The following SRC variants were observed in gnomAD, a reference collection of about 807,000 sequenced individuals.
The protein encoded by SRC is proto-oncogene tyrosine-protein kinase Src.
Under a neutral mutation model 62.9 loss-of-function variants are expected in SRC, and 13 were observed. The ratio of observed to expected loss-of-function variants is 0.21; its 90% CI spans 0.13 to 0.33. The LOEUF (loss-of-function observed/expected upper bound fraction) is 0.33. SRC is among the 10% of genes least tolerant of loss of function. The probability of loss-of-function intolerance (pLI) is 1.00; values close to 1 mark genes in which losing one functional copy is unlikely to be tolerated. For synonymous variants in SRC, 302 were observed against 317.5 expected, an observed-to-expected ratio of 0.95 and a Z score of 0.52; for missense variants, 457 against 737.3, an observed-to-expected ratio of 0.62 and a Z score of 4.40.
intron 1 of SRC, among the ~76,000 whole-genome samples, chr20:37,360,737 T>C (rs2069956990): frequency 6.6e-6 from 1 of 152,220 alleles, no homozygotes; most frequent in Admixed American, 6.5e-5. Context: ...TAGCTGCTCC[T>C]ACTCTTTTGA....
chr20:37,357,054 C>A (rs919214790), intron 1 of SRC, among the ~76,000 whole-genome samples: 1 of 152,206 alleles, frequency 6.6e-6, no homozygotes, highest in Non-Finnish European at 1.5e-5. Flanking sequence ...GTTGCCCCAG[C>A]CGGCTCGGGG....
At chr20:37,382,203 ACAATAT>A (rs1198430131) in intron 2 of SRC, among the ~76,000 whole-genome samples, 1 of 147,828 alleles carries the variant, frequency 6.8e-6, no homozygotes, top group Non-Finnish European at 1.5e-5. Flanking sequence ...CCAGAATTAC[ACAATAT>A]CAATAACGGC....
chr20:37,368,042 T>C (rs931238695), intron 2 of SRC, among the ~76,000 whole-genome samples: 2 of 152,242 alleles, frequency 1.3e-5, no homozygotes, highest in Non-Finnish European at 2.9e-5. Context: ...ATGTTGTTCT[T>C]TGGAAAACAG....
chr20:37,380,538 C>T (rs2070350542), intron 2 of SRC, among the ~76,000 whole-genome samples: 1 of 152,178 alleles, frequency 6.6e-6, no homozygotes, highest in Non-Finnish European at 1.5e-5. Flanking sequence ...TTGAATACCA[C>T]GGAATGATAT....
intron 2 of SRC, among the ~76,000 whole-genome samples, chr20:37,380,307 C>T (rs1246341403): frequency 1.3e-5 from 2 of 152,122 alleles, no homozygotes; most frequent in Non-Finnish European, 2.9e-5. Flanking sequence ...GAGTTTCAGC[C>T]CCTGATTCCC....
rs2070786111 is a variant in SRC, at chr20:37,404,080, C to T, written c.*701C>T. ...AGTTGAGAGCGGGGATGTGACATGC[C>T]CAAGGCCACGGAGCAGTTCAGAGTG... On this transcript the variant is annotated 3_prime_UTR_variant, in exon 14 of 14. Transcript: ENST00000373578. The T allele has an allele frequency of 4.3e-6, 1 of 234,094 alleles. No homozygotes were observed. Among genetic ancestry groups the T allele is most frequent in the Non-Finnish European group, 8.4e-6 (1 of 118,442 alleles). 14.5% of individuals were successfully genotyped at this position (234,094 alleles called of 1,614,324 possible). A position where few individuals can be genotyped will look rare whatever the true frequency, so the allele number is the denominator to read the frequency against.
chr20:37,376,621 A>T (rs1191930853), intron 2 of SRC, among the ~76,000 whole-genome samples: 1 of 152,210 alleles, frequency 6.6e-6, no homozygotes, highest in Non-Finnish European at 1.5e-5. Flanking sequence ...CTCCTACCTC[A>T]GCCTATCAAG....
chr20:37,362,650 G>C (rs2069992208), intron 1 of SRC, among the ~76,000 whole-genome samples: 1 of 152,040 alleles, frequency 6.6e-6, no homozygotes. Flanking sequence ...GGTTGAGGCT[G>C]TGACCCCCTG....
chr20:37,376,309 C>A (rs1011282688), intron 2 of SRC, among the ~76,000 whole-genome samples: 3 of 152,204 alleles, frequency 2.0e-5, no homozygotes, highest in Admixed American at 6.5e-5. Flanking sequence ...CCACAGAAAT[C>A]ATAATAATAG....
At chr20:37,370,993 T>C (rs569585058) in intron 2 of SRC, among the ~76,000 whole-genome samples, 36 of 146,412 alleles carry the variant, frequency 2.5e-4, no homozygotes, top group South Asian at 1.3e-3. Context: ...TCTTCTTCTT[T>C]TTTTTTTTTT....
At chr20:37,371,141 A>G (rs1430130998) in intron 2 of SRC, among the ~76,000 whole-genome samples, 1 of 152,062 alleles carries the variant, frequency 6.6e-6, no homozygotes, top group Non-Finnish European at 1.5e-5. Context: ...GGCATGTGCC[A>G]CCACGCCCGG....
chr20:37,391,839 G>A (rs898357750), intron 5 of SRC, among the ~76,000 whole-genome samples: 1 of 152,156 alleles, frequency 6.6e-6, no homozygotes, highest in Admixed American at 6.5e-5. Flanking sequence ...GGGTGATAGA[G>A]CAAGACTCCA....
rs2070688399 is a variant in SRC at position 37,398,295 on chromosome 20, T to C, written c.859+441T>C. On this transcript the variant is annotated intron_variant, in intron 9 of 13. Coordinates refer to ENST00000373578, the MANE Select transcript of SRC (RefSeq NM_198291.3). The surrounding 1 kb of genome is among the most constrained non-coding windows in gnomAD (Gnocchi z 5.2). ...GCTGGGAAGCTTAGGTCTGGCATGG[T>C]CTGGGCCTGTTAGCGATTTCCCGTC... 6.6e-6 allele frequency among the ~76,000 whole-genome samples: 1 copy of C among 152,022 alleles called. No homozygotes were observed.
intron 5 of SRC, among the ~76,000 whole-genome samples, chr20:37,390,595 G>A (rs2070531001): frequency 6.6e-6 from 1 of 151,814 alleles, no homozygotes; most frequent in African/African-American, 2.4e-5. Context: ...TATTAGAGAC[G>A]GGGTTTCGCC....
chr20:37,394,014 C>T (rs1234895689), intron 6 of SRC, 21 bp downstream of exon 6: 2 of 1,609,312 alleles, frequency 1.2e-6, no homozygotes, highest in African/African-American at 2.7e-5. Flanking sequence ...TCTCTGGCTG[C>T]CTCTACCCGT....
At chr20:37,373,540 G>A (rs1433028946) in intron 2 of SRC, among the ~76,000 whole-genome samples, 1 of 151,996 alleles carries the variant, frequency 6.6e-6, no homozygotes, top group East Asian at 1.9e-4. Context: ...CAAACTCCTG[G>A]ACTCAAACAA....
intron 5 of SRC, 72 bp from the exon 6 acceptor site, chr20:37,393,823 G>A: frequency 2.5e-6 from 3 of 1,186,146 alleles, no homozygotes; most frequent in Non-Finnish European, 3.7e-6. Context: ...CAGCACCTAG[G>A]AGGATGGTGG....
chr20:37,357,405 T>TTCCA (rs375569482), intron 1 of SRC, among the ~76,000 whole-genome samples: 269 of 152,138 alleles, frequency 1.8e-3, no homozygotes, highest in African/African-American at 4.5e-3. Flanking sequence ...CTGCTTGCTC[T>TTCCA]TCCATCCATC....
At chr20:37,395,239 C>T (rs1044167320) in intron 7 of SRC, among the ~76,000 whole-genome samples, 1 of 152,258 alleles carries the variant, frequency 6.6e-6, no homozygotes, top group African/African-American at 2.4e-5. Flanking sequence ...ACTTCCCTCT[C>T]TGGACCTCAT....
Sources: gnomAD v4.1 joint callset for allele counts (sites outside exome capture counted in the v4.1 genomes callset) on GRCh38, gnomAD v4.1.1 for gene constraint, Gnocchi (gnomAD v3.1) non-coding constraint, MANE v1.5 for transcripts, NCBI Gene and HGNC (gene_info 2026-07-23, HGNC 2026-07-21) for gene names.